Variants in PPP2R2B observed in about 807,000 individuals in gnomAD.
The protein encoded by PPP2R2B is serine/threonine-protein phosphatase 2A 55 kDa regulatory subunit B beta isoform.
PPP2R2B carries 5 observed loss-of-function variants against 46.0 expected under a neutral mutation model. The ratio of observed to expected loss-of-function variants is 0.11; its 90% CI spans 0.06 to 0.23. The LOEUF (loss-of-function observed/expected upper bound fraction) is 0.23. PPP2R2B is among the 10% of genes least tolerant of loss of function. PPP2R2B has a pLI of 1.00. For missense variants in PPP2R2B, 367 were observed against 575.0 expected, an observed-to-expected ratio of 0.64 and a Z score of 3.70; for synonymous variants, 215 against 206.7, an observed-to-expected ratio of 1.04 and a Z score of -0.34.
intron 2 of PPP2R2B, among the ~76,000 whole-genome samples, chr5:146,791,900 G>A (rs767749361): frequency 5.9e-5 from 9 of 151,986 alleles, no homozygotes; most frequent in African/African-American, 1.2e-4. Context: ...GATTCCTCCC[G>A]CCACATGAGA....
chr5:146,639,117 T>A (rs1303496958), intron 6 of PPP2R2B, among the ~76,000 whole-genome samples: 1 of 152,228 alleles, frequency 6.6e-6, no homozygotes, highest in African/African-American at 2.4e-5. Context: ...CATGGCTAAG[T>A]GACAACACTA....
intron 8 of PPP2R2B, among the ~76,000 whole-genome samples, chr5:146,599,505 C>T (rs1771565170): frequency 6.6e-6 from 1 of 152,182 alleles, no homozygotes; most frequent in African/African-American, 2.4e-5. Context: ...ACAGGCAAAA[C>T]AGCCTACTGT....
chr5:146,987,299 A>G (rs987774557), intron 1 of PPP2R2B, among the ~76,000 whole-genome samples: 1 of 152,160 alleles, frequency 6.6e-6, no homozygotes, highest in Non-Finnish European at 1.5e-5. Flanking sequence ...GCAACAAGAC[A>G]CATGTGCAAC....
chr5:146,753,864 T>G (rs764013889), intron 2 of PPP2R2B, among the ~76,000 whole-genome samples: 2 of 152,058 alleles, frequency 1.3e-5, no homozygotes, highest in Admixed American at 1.3e-4. Flanking sequence ...AACCTGAATC[T>G]CCAGGGGCAA....
intron 2 of PPP2R2B, among the ~76,000 whole-genome samples, chr5:146,762,738 A>G (rs550978993): frequency 6.6e-6 from 1 of 152,330 alleles, no homozygotes; most frequent in East Asian, 1.9e-4. Flanking sequence ...TAAGAAACTC[A>G]TAGGAATGAA....
chr5:146,890,244 C>T (rs1293778946), intron 1 of PPP2R2B, among the ~76,000 whole-genome samples: 1 of 152,208 alleles, frequency 6.6e-6, no homozygotes, highest in Non-Finnish European at 1.5e-5. Context: ...TCTTTTCTCC[C>T]TTGCCTCTGC....
At chr5:146,667,330 GCGCACA>G (rs929306331) in intron 5 of PPP2R2B, among the ~76,000 whole-genome samples, 16 of 11,322 alleles carry the variant, frequency 1.4e-3, no homozygotes, top group African/African-American at 2.2e-3. Context: ...AGGCGTGCGC[GCGCACA>G]CACACACACA....
chr5:146,842,381 T>C (rs983877438), intron 2 of PPP2R2B, among the ~76,000 whole-genome samples: 4 of 150,440 alleles, frequency 2.7e-5, no homozygotes, highest in African/African-American at 9.8e-5. Context: ...TCTACCACAG[T>C]CAACTTGCTA....
intron 1 of PPP2R2B, among the ~76,000 whole-genome samples, chr5:147,010,260 CA>C (rs2151876883): frequency 6.6e-6 from 1 of 152,246 alleles, no homozygotes; most frequent in Admixed American, 6.5e-5. Flanking sequence ...TTTTTGGCAC[CA>C]GGGGCCGGTT....
At chr5:146,877,917 A>G in intron 2 of PPP2R2B, 85 bp downstream of exon 2, 1 of 1,484,048 alleles carries the variant, frequency 6.7e-7, no homozygotes, top group South Asian at 1.3e-5. Context: ...AGTCTCCGCC[A>G]CTACGCGCCC....
chr5:147,063,715 T>C (rs1757338293), intron 2 of PPP2R2B, among the ~76,000 whole-genome samples: 1 of 152,182 alleles, frequency 6.6e-6, no homozygotes, highest in Non-Finnish European at 1.5e-5. Flanking sequence ...TTGCTGTGAC[T>C]CTGATATCTA....
At chr5:146,976,278 C>G (rs1016946325) in intron 1 of PPP2R2B, among the ~76,000 whole-genome samples, 3 of 151,852 alleles carry the variant, frequency 2.0e-5, no homozygotes, top group Non-Finnish European at 4.4e-5. Context: ...GCTGGGACTA[C>G]AGGCATGCAC....
At chr5:146,983,418 G>T (rs1007980530) in intron 1 of PPP2R2B, among the ~76,000 whole-genome samples, 5 of 152,070 alleles carry the variant, frequency 3.3e-5, no homozygotes, top group East Asian at 3.9e-4. Context: ...CTGACCTCGT[G>T]ATCTGCCCGC....
chr5:147,044,017 T>TATTG (rs2151898430), intron 1 of PPP2R2B, among the ~76,000 whole-genome samples: 1 of 152,202 alleles, frequency 6.6e-6, no homozygotes, highest in South Asian at 2.1e-4. Context: ...AATAAATGCT[T>TATTG]TCCCTTAACT....
At chr5:147,026,013 T>G (rs1436236531) in intron 1 of PPP2R2B, among the ~76,000 whole-genome samples, 3 of 152,096 alleles carry the variant, frequency 2.0e-5, no homozygotes, top group Non-Finnish European at 4.4e-5. Context: ...GAACTGGAAC[T>G]TTCATACATT....
intron 2 of PPP2R2B, among the ~76,000 whole-genome samples, chr5:146,816,305 TAGGAGGATGACTTGAGCCC>T (rs1757928933): frequency 6.6e-6 from 1 of 151,994 alleles, no homozygotes; most frequent in Admixed American, 6.6e-5. Flanking sequence ...CTAGGGAGGC[TAGGAGGATGACTTGAGCCC>T]AGGAGGCTGA....
At chr5:146,896,800 C>T (rs1762659251) in intron 1 of PPP2R2B, among the ~76,000 whole-genome samples, 1 of 151,852 alleles carries the variant, frequency 6.6e-6, no homozygotes, top group Non-Finnish European at 1.5e-5. Flanking sequence ...GTTGTCAATA[C>T]ATGAAAGCAG....
rs1172624028 is a variant in PPP2R2B, at chr5:146,702,864, C to T, written c.71-1722G>A. The stretch of plus-strand genomic sequence containing the variant: ...CTCGAGAAGACTCCAGTGAATACTA[C>T]CTTAAGGAAACACAAAATAAGCAAT... On this transcript the variant is annotated intron_variant, in intron 2 of 9. Coordinates refer to ENST00000394411, the MANE Select transcript of PPP2R2B (RefSeq NM_181675.4). Among the ~76,000 whole-genome samples, 134 of 152,216 alleles carry T rather than the reference C, an allele frequency of 8.8e-4. 3 individuals carry two copies. Among genetic ancestry groups the T allele is most frequent in the Admixed American group, 8.7e-3 (133 of 15,290 alleles).
In PPP2R2B at chr5:146,933,792, A is replaced by G. The variant is rs187494153; in HGVS notation, c.79+121873T>C. On this transcript the variant is annotated intron_variant, in intron 1 of 8. Transcript: ENST00000336640. Reference sequence around the variant, plus strand: ...GGTGCACTGCACCCACTAACTTGTCATCTAGCATTAGGTGTATCTCCCAAT... The same window carrying G: ...GGTGCACTGCACCCACTAACTTGTCGTCTAGCATTAGGTGTATCTCCCAAT... Among the ~76,000 whole-genome samples, 14 of 150,004 alleles carry G rather than the reference A, an allele frequency of 9.3e-5. No homozygotes were observed. In the East Asian group the frequency reaches 2.8e-3, roughly 30 times the overall value.
Sources: allele counts gnomAD v4.1 joint callset (sites outside exome capture counted in the v4.1 genomes callset), GRCh38; gene constraint gnomAD v4.1.1; transcripts MANE v1.5; gene names NCBI Gene and HGNC (gene_info 2026-07-23, HGNC 2026-07-21).